The following EZH2 variants were observed in gnomAD, a reference collection of about 807,000 sequenced individuals.
EZH2 encodes the protein enhancer of zeste 2 polycomb repressive complex 2 subunit.
In EZH2, 18 loss-of-function variants were observed where a neutral mutation model predicts 98.4. The observed-to-expected ratio is 0.18, with a 90% CI of 0.13 to 0.27. The LOEUF (loss-of-function observed/expected upper bound fraction) is 0.27. Among genes scored for constraint, EZH2 ranks in the 10% least tolerant of loss-of-function variants. The pLI is 1.00. For synonymous variants in EZH2, 338 were observed against 312.3 expected, an observed-to-expected ratio of 1.08 and a Z score of -0.87; for missense variants, 470 against 935.1, an observed-to-expected ratio of 0.50 and a Z score of 6.49.
rs1465177913 is a variant in EZH2 at position 148,817,954 on chromosome 7, T to C, written c.1163A>G (p.Glu388Gly). ...LESKDTDSDREAGTETGGENN... is the reference protein window; with the variant it reads ...LESKDTDSDRGAGTETGGENN... ...CTCTCCCCCCGTTTCAGTCCCTGCT[T>C]CCCTATCACTGTCTGTATCCTTTGA... The change falls in exon 10 of 20, where the codon GAA (glutamate) becomes GGA (glycine). Residue 388 changes from glutamate (E) to glycine (G), a missense_variant. This residue lies in a region of EZH2 where 192 missense variants were observed against 306.8 expected (regional missense o/e 0.63). Transcript: ENST00000320356. 3 of 1,614,154 alleles carry C rather than the reference T, an allele frequency of 1.9e-6. No homozygotes were observed. The highest frequency in any genetic ancestry group is 2.5e-6 in the Non-Finnish European group (3 of 1,180,014).
At chr7:148,838,048 G>T (rs920475912) in intron 3 of EZH2, among the ~76,000 whole-genome samples, 1 of 149,806 alleles carries the variant, frequency 6.7e-6, no homozygotes, top group Non-Finnish European at 1.5e-5. Flanking sequence ...ATACAGTATC[G>T]GGAAGTTTAG....
rs756942104 is a variant in EZH2, at chr7:148,826,571, T to C, written c.790A>G (p.Ile264Val). The C allele has an allele frequency of 1.3e-6, 2 of 1,584,136 alleles. No homozygotes were observed. Among genetic ancestry groups the C allele is most frequent in the South Asian group, 1.2e-5 (1 of 85,484 alleles). ...GALPPECTPN[I>V]DGPNAKSVQR... ...ACAGATTTAGCATTTGGTCCATCTA[T>C]GTTGGGGGTACATTCAGGAGGAAGT... is the stretch of plus-strand genomic sequence containing the variant. Residue 264 changes from isoleucine to valine, a missense_variant, in exon 8 of 20, where the codon ATA becomes GTA. Physicochemically the swap from Ile to Val is conservative, Grantham distance 29. Transcript: ENST00000320356.
At chr7:148,857,840 C>T (rs187005796) in intron 1 of EZH2, among the ~76,000 whole-genome samples, 266 of 151,794 alleles carry the variant, frequency 1.8e-3, no homozygotes, top group Non-Finnish European at 3.1e-3. Context: ...CATAACAACC[C>T]AATGTAAAGG....
At chr7:148,834,352 T>TATATATACAC (rs1321608007) in intron 3 of EZH2, among the ~76,000 whole-genome samples, 7 of 143,414 alleles carry the variant, frequency 4.9e-5, no homozygotes, top group African/African-American at 1.8e-4. Context: ...TATATATATA[T>TATATATACAC]ACACACACAC....
intron 8 of EZH2, among the ~76,000 whole-genome samples, chr7:148,825,602 G>A (rs1314128255): frequency 3.3e-5 from 5 of 152,170 alleles, no homozygotes; most frequent in South Asian, 2.1e-4. Context: ...TGGTGAACGA[G>A]GAGGAATAAA....
At chr7:148,854,187 A>T (rs1468562207) in intron 1 of EZH2, among the ~76,000 whole-genome samples, 1 of 152,182 alleles carries the variant, frequency 6.6e-6, no homozygotes, top group Non-Finnish European at 1.5e-5. Context: ...GGCTCACGCC[A>T]ATAATCCCAG....
At chr7:148,809,963 G>T (rs964299961) in intron 17 of EZH2, among the ~76,000 whole-genome samples, 1 of 152,230 alleles carries the variant, frequency 6.6e-6, no homozygotes, top group African/African-American at 2.4e-5. Context: ...GAAGATGGTT[G>T]CAAATGCAGT....
chr7:148,823,220 A>G (rs1433058850), intron 8 of EZH2, among the ~76,000 whole-genome samples: 1 of 152,222 alleles, frequency 6.6e-6, no homozygotes, highest in Non-Finnish European at 1.5e-5. Context: ...CCCATATGGC[A>G]GGTCATTTGG....
chr7:148,812,113 T>C lies in EZH2; in HGVS notation c.1852-393A>G, dbSNP rs570895578. 1.1e-4 allele frequency among the ~76,000 whole-genome samples: 17 copies of C among 152,282 alleles called. No homozygotes were observed. The East Asian group carries it at 3.1e-3, about 28-fold the overall frequency. On this transcript the variant is annotated intron_variant, in intron 15 of 19. Coordinates refer to ENST00000320356, the MANE Select transcript of EZH2 (RefSeq NM_004456.5). ...ACCACCAAATCACTCTTCCTCTCCATACCTTTCCCTCTACTTTCCCCAAGT... is the reference window on the plus strand; with the variant it reads ...ACCACCAAATCACTCTTCCTCTCCACACCTTTCCCTCTACTTTCCCCAAGT...
In EZH2 at chr7:148,832,624, A is replaced by T; in HGVS notation, c.363+10T>A. 1.4e-6 allele frequency: 2 copies of T among 1,382,676 alleles called. No homozygotes were observed. Among genetic ancestry groups the T allele is most frequent in the Non-Finnish European group, 2.0e-6 (2 of 993,024 alleles). 85.7% of individuals were successfully genotyped at this position (1,382,676 alleles called of 1,614,324 possible). On this transcript the variant is annotated intron_variant, in intron 4 of 19. Transcript: ENST00000320356. ...TTATCAAATAAGCAGAAGATATCTTATTTACATACCATAAAATTCTGCTGT... is the reference window on the plus strand; with the variant it reads ...TTATCAAATAAGCAGAAGATATCTTTTTTACATACCATAAAATTCTGCTGT...
At chr7:148,838,586 C>T (rs913768025) in intron 3 of EZH2, among the ~76,000 whole-genome samples, 2 of 152,024 alleles carry the variant, frequency 1.3e-5, no homozygotes, top group Admixed American at 6.6e-5. Context: ...CAATAACAGT[C>T]CTGTGAGTAG....
rs547982902 is a variant in EZH2, at chr7:148,827,550, A to G, written c.626-284T>C. 3.9e-5 allele frequency among the ~76,000 whole-genome samples: 6 copies of G among 152,290 alleles called. No individual in the cohort carries two copies. The East Asian group carries it at 1.2e-3, about 29-fold the overall frequency. ...CTAACTGATTTTGTGACTTAGAGTG[A>G]TCACTTTACCTCTTGGGTCTGTTTA... On this transcript the variant is annotated intron_variant, in intron 6 of 19. Transcript: ENST00000320356.
Position 148,808,959 on chromosome 7 carries a change from G to A in EZH2, c.2195+112C>T, listed in dbSNP as rs1225181344. ...AACCTAATTCCCCACTAATGCTCATGGCAAAGTGACCCATCAAAAGAAGCA... is the reference window on the plus strand; with the variant it reads ...AACCTAATTCCCCACTAATGCTCATAGCAAAGTGACCCATCAAAAGAAGCA... On this transcript the variant is annotated intron_variant, in intron 19 of 19. Coordinates refer to ENST00000320356, the MANE Select transcript of EZH2 (RefSeq NM_004456.5). The A allele has an allele frequency of 9.1e-6, 7 of 767,934 alleles. No individual in the cohort carries two copies. The African/African-American group carries it at 1.1e-4, about 12-fold the overall frequency. 47.6% of individuals were successfully genotyped at this position (767,934 alleles called of 1,614,324 possible).
intron 15 of EZH2, 137 bp from the exon 16 acceptor site, chr7:148,811,857 C>T (rs890116455): frequency 1.2e-5 from 8 of 673,090 alleles, no homozygotes; most frequent in South Asian, 7.4e-5. Context: ...TAATTGGGCA[C>T]ACAGCTTCAG....
At chr7:148,813,933 T>C (rs1803870771) in intron 15 of EZH2, 26 bp downstream of exon 15, 1 of 1,598,386 alleles carries the variant, frequency 6.3e-7, no homozygotes. Flanking sequence ...CTACAAACAA[T>C]CTTCCAGAAG....
At chr7:148,863,440 C>G (rs964452518) in intron 1 of EZH2, among the ~76,000 whole-genome samples, 2 of 152,106 alleles carry the variant, frequency 1.3e-5, no homozygotes, top group Non-Finnish European at 2.9e-5. Flanking sequence ...CTAATATCTA[C>G]TAAAATTCGT....
chr7:148,832,805 G>T, intron 3 of EZH2, 55 bp from the exon 4 acceptor site: 1 of 1,130,442 alleles, frequency 8.8e-7, no homozygotes, highest in Non-Finnish European at 1.3e-6. Flanking sequence ...ACCTTAAGCT[G>T]TAGCCATCAT....
intron 3 of EZH2, among the ~76,000 whole-genome samples, chr7:148,839,613 C>A (rs889733974): frequency 6.6e-6 from 1 of 151,368 alleles, no homozygotes; most frequent in South Asian, 2.1e-4. Context: ...CTTGTGATCT[C>A]GGCTCACTGA....
Position 148,807,814 on chromosome 7 carries a change from TAA to T in EZH2, c.2196-110_2196-109del, listed in dbSNP as rs35866517. ...GATAGTGGGTGCATTAAAATGTCTT[TAA>T]AAAAAAAAAAAAAAAAAAAACCCAT... On this transcript the variant is annotated intron_variant, in intron 19 of 19. Coordinates refer to ENST00000320356, the MANE Select transcript of EZH2 (RefSeq NM_004456.5). 76,291 of 394,370 alleles carry T rather than the reference TAA, an allele frequency of 0.19. 3,404 individuals are homozygous for T. Among genetic ancestry groups the T allele is most frequent in the African/African-American group, 0.3 (13,000 of 43,730 alleles). 24.4% of individuals were successfully genotyped at this position (394,370 alleles called of 1,614,324 possible). A position where few individuals can be genotyped will look rare whatever the true frequency, so the allele number is the denominator to read the frequency against.
Sources: allele counts gnomAD v4.1 joint callset (sites outside exome capture counted in the v4.1 genomes callset), GRCh38; gene constraint gnomAD v4.1.1; regional missense constraint gnomAD v4.1.1; transcripts MANE v1.5; gene names NCBI Gene and HGNC (gene_info 2026-07-23, HGNC 2026-07-21).